Variants in NR3C2 observed in about 807,000 individuals in gnomAD.
The protein encoded by NR3C2 is mineralocorticoid receptor.
NR3C2 carries 15 observed loss-of-function variants against 86.4 expected under a neutral mutation model. The ratio of observed to expected loss-of-function variants is 0.17; its 90% CI spans 0.12 to 0.27. The LOEUF (loss-of-function observed/expected upper bound fraction) is 0.27. Ranked by LOEUF, NR3C2 falls within the 10% of genes least tolerant of loss-of-function variation. The probability of loss-of-function intolerance (pLI) is 1.00; values close to 1 mark genes in which losing one functional copy is unlikely to be tolerated. For missense variants in NR3C2, 960 were observed against 1,195.6 expected (o/e 0.80, Z 2.91); for synonymous variants, 458 against 450.5 (o/e 1.02, Z -0.21).
chr4:148,128,063 G>C (rs1732833597), intron 6 of NR3C2, among the ~76,000 whole-genome samples: 1 of 152,210 alleles, frequency 6.6e-6, no homozygotes, highest in South Asian at 2.1e-4. Context: ...ATTCATGTAA[G>C]AATAGTGGGA....
At chr4:148,192,130 G>T (rs541606487) in intron 4 of NR3C2, among the ~76,000 whole-genome samples, 1 of 152,142 alleles carries the variant, frequency 6.6e-6, no homozygotes, top group African/African-American at 2.4e-5. Flanking sequence ...TCAGAGGGAC[G>T]GTCTAGGGCT....
At chr4:148,171,143 T>C (rs1280682284) in intron 4 of NR3C2, among the ~76,000 whole-genome samples, 1 of 152,242 alleles carries the variant, frequency 6.6e-6, no homozygotes, top group Non-Finnish European at 1.5e-5. Context: ...CCTTCAGCTG[T>C]GTTGCTGCTA....
chr4:148,430,377 A>G (rs1050398606), intron 2 of NR3C2, among the ~76,000 whole-genome samples: 18 of 152,170 alleles, frequency 1.2e-4, no homozygotes, highest in African/African-American at 4.1e-4. Context: ...GAAACTCACA[A>G]AAGTACACTG....
chr4:148,355,667 G>T (rs910422606), intron 2 of NR3C2, among the ~76,000 whole-genome samples: 1 of 152,300 alleles, frequency 6.6e-6, no homozygotes, highest in East Asian at 1.9e-4. Flanking sequence ...CCCGTCAGTT[G>T]TTTATCATTA....
intron 2 of NR3C2, among the ~76,000 whole-genome samples, chr4:148,263,108 T>G (rs960698205): frequency 1.3e-5 from 2 of 152,186 alleles, no homozygotes; most frequent in Non-Finnish European, 2.9e-5. Context: ...TTCTATACTC[T>G]ATCCCTTAAT....
intron 8 of NR3C2, among the ~76,000 whole-genome samples, chr4:148,102,547 T>C (rs1731586176): frequency 6.6e-6 from 1 of 152,028 alleles, no homozygotes; most frequent in Non-Finnish European, 1.5e-5. Context: ...TGCTCTCTCC[T>C]CTCTCAACCT....
chr4:148,300,324 T>G (rs1220556429), intron 2 of NR3C2, among the ~76,000 whole-genome samples: 2 of 151,670 alleles, frequency 1.3e-5, no homozygotes, highest in African/African-American at 4.9e-5. Context: ...AGCCCTGAAT[T>G]TTCCTCTCTC....
chr4:148,393,787 T>A (rs62333650), intron 2 of NR3C2, among the ~76,000 whole-genome samples: 17,491 of 152,222 alleles, frequency 0.11, 1,107 homozygotes, highest in South Asian at 0.21. Flanking sequence ...AAAATCAACA[T>A]TATTGAATAA....
chr4:148,153,370 G>T (rs973647448), intron 5 of NR3C2, among the ~76,000 whole-genome samples: 14 of 152,154 alleles, frequency 9.2e-5, no homozygotes, highest in Non-Finnish European at 2.1e-4. Context: ...TAGAGACAGG[G>T]TTTCATGATG....
At chr4:148,166,576 A>C (rs1315807450) in intron 4 of NR3C2, among the ~76,000 whole-genome samples, 1 of 152,208 alleles carries the variant, frequency 6.6e-6, no homozygotes, top group African/African-American at 2.4e-5. Flanking sequence ...TAGTTTCAAA[A>C]GTATTCTTCA....
At chr4:148,237,719 T>G (rs1185436738) in intron 3 of NR3C2, among the ~76,000 whole-genome samples, 1 of 151,680 alleles carries the variant, frequency 6.6e-6, no homozygotes, top group South Asian at 2.1e-4. Flanking sequence ...GAAAATTAAA[T>G]TACTGAATAA....
rs1730459536 is a variant in NR3C2 at position 148,079,829 on chromosome 4, C to G, written c.*1515G>C. 6.6e-6 allele frequency: 1 copy of G among 152,610 alleles called. No homozygotes were observed. Among genetic ancestry groups the G allele is most frequent in the Non-Finnish European group, 1.5e-5 (1 of 68,050 alleles). 9.5% of individuals were successfully genotyped at this position (152,610 alleles called of 1,614,324 possible). A position where few individuals can be genotyped will look rare whatever the true frequency, so the allele number is the denominator to read the frequency against. On this transcript the variant is annotated 3_prime_UTR_variant, in exon 9 of 9. Transcript: ENST00000358102. Reference sequence around the variant, plus strand: ...TCTCCCGGTCTCCATGCCATTCAGACTGAACCTTGCCAAGATGGGCCGTCC... The same window carrying G: ...TCTCCCGGTCTCCATGCCATTCAGAGTGAACCTTGCCAAGATGGGCCGTCC...
intron 7 of NR3C2, among the ~76,000 whole-genome samples, chr4:148,116,877 A>T (rs927312177): frequency 1.3e-5 from 2 of 152,222 alleles, no homozygotes; most frequent in Non-Finnish European, 1.5e-5. Context: ...AACATTCATG[A>T]AGAATTAGTA....
intron 4 of NR3C2, among the ~76,000 whole-genome samples, chr4:148,178,140 C>G (rs901927314): frequency 6.6e-6 from 1 of 152,032 alleles, no homozygotes; most frequent in African/African-American, 2.4e-5. Flanking sequence ...GAGTTAGACA[C>G]CAGTCTGGCA....
intron 3 of NR3C2, among the ~76,000 whole-genome samples, chr4:148,240,036 G>C (rs1205671833): frequency 6.6e-6 from 1 of 151,860 alleles, no homozygotes; most frequent in African/African-American, 2.4e-5. Context: ...TAACAGAAGA[G>C]CACAGAAGCA....
At chr4:148,361,493 C>T (rs1745834368) in intron 2 of NR3C2, among the ~76,000 whole-genome samples, 1 of 152,192 alleles carries the variant, frequency 6.6e-6, no homozygotes, top group Non-Finnish European at 1.5e-5. Context: ...TAAGTTACTG[C>T]CCTTAGGGGC....
chr4:148,190,171 A>G (rs1276026296), intron 4 of NR3C2, among the ~76,000 whole-genome samples: 1 of 152,148 alleles, frequency 6.6e-6, no homozygotes, highest in Non-Finnish European at 1.5e-5. Context: ...GTAGGCATTC[A>G]GGGCTATGAA....
intron 6 of NR3C2, among the ~76,000 whole-genome samples, chr4:148,149,928 G>C (rs1475352758): frequency 6.6e-6 from 1 of 152,164 alleles, no homozygotes; most frequent in Non-Finnish European, 1.5e-5. Flanking sequence ...AGAGAAATTA[G>C]AACCCTTGTA....
intron 2 of NR3C2, among the ~76,000 whole-genome samples, chr4:148,395,183 A>G (rs910708092): frequency 6.6e-6 from 1 of 152,204 alleles, no homozygotes; most frequent in Non-Finnish European, 1.5e-5. Flanking sequence ...GTTACTTAAA[A>G]TATTGTTTTA....
Sources: allele counts gnomAD v4.1 joint callset (sites outside exome capture counted in the v4.1 genomes callset), GRCh38; gene constraint gnomAD v4.1.1; transcripts MANE v1.5; gene names NCBI Gene and HGNC (gene_info 2026-07-23, HGNC 2026-07-21).